Variants in MYO3B observed in about 807,000 individuals in gnomAD.
MYO3B encodes myosin IIIB, also known as myosin-IIIb.
MYO3B carries 156 observed loss-of-function variants against 174.6 expected under a neutral mutation model. The ratio of observed to expected loss-of-function variants is 0.89; its 90% confidence interval spans 0.78 to 1.02. MYO3B has a LOEUF of 1.02. MYO3B is among the 50% of genes least tolerant of loss of function. The pLI is 0.00. For missense variants in MYO3B, 1,632 were observed against 1,639.4 expected (o/e 1.00, Z 0.08); for synonymous variants, 563 against 569.1 (o/e 0.99, Z 0.15).
At chr2:170,629,836 C>T (rs188918435) in intron 32 of MYO3B, among the ~76,000 whole-genome samples, 3 of 152,214 alleles carry the variant, frequency 2.0e-5, no homozygotes, top group South Asian at 2.1e-4. Flanking sequence ...CGCAACAGAG[C>T]GAGACTCTAT....
chr2:170,373,679 C>G (rs1356709175), intron 9 of MYO3B, among the ~76,000 whole-genome samples: 2 of 151,708 alleles, frequency 1.3e-5, no homozygotes, highest in Non-Finnish European at 2.9e-5. Context: ...ATGGAGGAAG[C>G]AAGAGGGAGT....
intron 1 of MYO3B, among the ~76,000 whole-genome samples, chr2:170,184,523 TC>T (rs2092439942): frequency 6.6e-6 from 1 of 152,082 alleles, no homozygotes; most frequent in Admixed American, 6.5e-5. Context: ...AGGATCTCAT[TC>T]TTTTTATGGC....
At chr2:170,502,372 TCA>T (rs1687330760) in intron 28 of MYO3B, among the ~76,000 whole-genome samples, 1 of 152,234 alleles carries the variant, frequency 6.6e-6, no homozygotes, top group Non-Finnish European at 1.5e-5. Flanking sequence ...TTTCTTAGCA[TCA>T]CAGAGGAGGA....
intron 32 of MYO3B, among the ~76,000 whole-genome samples, chr2:170,646,410 T>G (rs1010572323): frequency 1.3e-5 from 2 of 152,124 alleles, no homozygotes; most frequent in Non-Finnish European, 2.9e-5. Context: ...TTTTCTTTTT[T>G]TGGAGACCAA....
At chr2:170,242,381 C>T (rs1279668854) in intron 7 of MYO3B, among the ~76,000 whole-genome samples, 1 of 152,110 alleles carries the variant, frequency 6.6e-6, no homozygotes, top group Non-Finnish European at 1.5e-5. Flanking sequence ...GTTCCAGATC[C>T]CCAGAATATC....
At chr2:170,311,839 C>T (rs1237590430) in intron 7 of MYO3B, among the ~76,000 whole-genome samples, 1 of 152,056 alleles carries the variant, frequency 6.6e-6, no homozygotes, top group African/African-American at 2.4e-5. Flanking sequence ...GCAGTTTTCC[C>T]GGCACCGTTT....
At chr2:170,320,715 G>A (rs922800095) in intron 7 of MYO3B, among the ~76,000 whole-genome samples, 4 of 151,860 alleles carry the variant, frequency 2.6e-5, no homozygotes, top group Non-Finnish European at 5.9e-5. Flanking sequence ...CTGCTATGAA[G>A]TCTACAGAGA....
chr2:170,383,299 A>G (rs940316884), intron 11 of MYO3B, 110 bp downstream of exon 11: 4 of 707,144 alleles, frequency 5.7e-6, no homozygotes, highest in South Asian at 1.9e-5. Context: ...CTAGATGTAT[A>G]TACTCCAAAC....
intron 22 of MYO3B, among the ~76,000 whole-genome samples, chr2:170,429,029 C>T (rs774494838): frequency 2.0e-5 from 3 of 152,180 alleles, no homozygotes; most frequent in Admixed American, 1.3e-4. Flanking sequence ...AAGCTAACAG[C>T]GTCTTGTTTG....
chr2:170,550,668 G>A lies in MYO3B; in HGVS notation c.3733+6680G>A, dbSNP rs188721343. ...AATAAGACACTTAAGAGACTAATAC[G>A]ATTATAATATCTTGGTCTTTGCAGC... On this transcript the variant is annotated intron_variant, in intron 32 of 34. Transcript: ENST00000408978. 4.2e-3 allele frequency among the ~76,000 whole-genome samples: 632 copies of A among 152,266 alleles called. 2 individuals are homozygous for A. The highest frequency in any genetic ancestry group is 0.013 in the African/African-American group (533 of 41,542).
chr2:170,282,135 A>G (rs1286304387), intron 7 of MYO3B, among the ~76,000 whole-genome samples: 1 of 151,972 alleles, frequency 6.6e-6, no homozygotes, highest in Non-Finnish European at 1.5e-5. Flanking sequence ...TTTGTTGTCA[A>G]TTTTGCCTGT....
chr2:170,355,696 ATCT>A (rs1173142993), intron 8 of MYO3B, among the ~76,000 whole-genome samples: 2 of 152,116 alleles, frequency 1.3e-5, no homozygotes, highest in African/African-American at 2.4e-5. Flanking sequence ...ATTTTCAGCA[ATCT>A]TCTTTTCATT....
At chr2:170,619,324 T>C (rs530986992) in intron 32 of MYO3B, among the ~76,000 whole-genome samples, 3 of 152,222 alleles carry the variant, frequency 2.0e-5, no homozygotes, top group African/African-American at 7.2e-5. Flanking sequence ...TCACGTGCAG[T>C]TGGCTCATTC....
intron 8 of MYO3B, among the ~76,000 whole-genome samples, chr2:170,356,447 C>T (rs535597857): frequency 2.0e-4 from 31 of 152,274 alleles, no homozygotes; most frequent in African/African-American, 7.5e-4. Flanking sequence ...CCTGTAACCT[C>T]TGCTTCCTGG....
chr2:170,277,751 A>G (rs2093473892), intron 7 of MYO3B, among the ~76,000 whole-genome samples: 1 of 152,166 alleles, frequency 6.6e-6, no homozygotes, highest in African/African-American at 2.4e-5. Context: ...AGAGAATGCA[A>G]TCTGTTGAAA....
chr2:170,281,983 C>T (rs1172472806), intron 7 of MYO3B, among the ~76,000 whole-genome samples: 1 of 152,022 alleles, frequency 6.6e-6, no homozygotes, highest in Non-Finnish European at 1.5e-5. Flanking sequence ...TGTTTGAGTT[C>T]CTTGTGTATT....
intron 22 of MYO3B, among the ~76,000 whole-genome samples, chr2:170,422,145 C>G (rs1350921125): frequency 6.6e-6 from 1 of 152,176 alleles, no homozygotes; most frequent in African/African-American, 2.4e-5. Context: ...TAAAATTGAA[C>G]AGACCAACCC....
At chr2:170,375,353 C>T (rs2094283708) in intron 9 of MYO3B, among the ~76,000 whole-genome samples, 1 of 152,092 alleles carries the variant, frequency 6.6e-6, no homozygotes, top group African/African-American at 2.4e-5. Flanking sequence ...TTGTCTCTGC[C>T]ACGACCATGA....
intron 32 of MYO3B, among the ~76,000 whole-genome samples, chr2:170,627,842 C>G (rs1305263657): frequency 1.3e-5 from 2 of 152,170 alleles, no homozygotes; most frequent in Non-Finnish European, 2.9e-5. Flanking sequence ...CTGGGTATCA[C>G]CAGCGGAGGG....
Sources: allele counts gnomAD v4.1 joint callset (sites outside exome capture counted in the v4.1 genomes callset), GRCh38; gene constraint gnomAD v4.1.1; transcripts MANE v1.5; gene names NCBI Gene and HGNC (gene_info 2026-07-23, HGNC 2026-07-21).